KANSL1: variants seen among roughly 807,000 people sequenced by gnomAD.
KANSL1 encodes MLL1/MLL complex subunit KANSL1.
A neutral mutation model predicts 103.6 loss-of-function variants in KANSL1; 22 were observed. That is an observed-to-expected ratio of 0.21 (90% confidence interval 0.15 to 0.30). The LOEUF (loss-of-function observed/expected upper bound fraction) is 0.30, where lower values mean the gene tolerates loss of function less well. KANSL1 is among the 10% of genes least tolerant of loss of function. The probability of loss-of-function intolerance (pLI) is 1.00; values close to 1 mark genes in which losing one functional copy is unlikely to be tolerated. For synonymous variants in KANSL1, 600 were observed against 527.6 expected (o/e 1.14, Z -1.88); for missense variants, 1,337 against 1,399.8 (o/e 0.96, Z 0.72).
At chr17:46,172,446 T>C (rs1015346868) in intron 1 of KANSL1, among the ~76,000 whole-genome samples, 3 of 152,216 alleles carry the variant, frequency 2.0e-5, no homozygotes, top group Non-Finnish European at 2.9e-5. Flanking sequence ...AAGGAAGAAT[T>C]GCACCCTTCT....
At chr17:46,208,316 A>G (rs2048040124) in intron 1 of KANSL1, among the ~76,000 whole-genome samples, 1 of 152,116 alleles carries the variant, frequency 6.6e-6, no homozygotes, top group African/African-American at 2.4e-5. Context: ...AAAGAGATAT[A>G]TAGTACTCCA....
At chr17:46,168,927 T>C (rs1327628994) in intron 2 of KANSL1, among the ~76,000 whole-genome samples, 2 of 152,244 alleles carry the variant, frequency 1.3e-5, no homozygotes, top group Non-Finnish European at 1.5e-5. Context: ...TAAACTATCC[T>C]ACAGAATAAG....
intron 2 of KANSL1, among the ~76,000 whole-genome samples, chr17:46,129,049 A>G (rs1432207402): frequency 1.3e-5 from 2 of 152,144 alleles, no homozygotes; most frequent in Non-Finnish European, 2.9e-5. Flanking sequence ...CTGAAGGTGG[A>G]GCCAAGATTT....
At chr17:46,161,343 G>A (rs2045731044) in intron 2 of KANSL1, among the ~76,000 whole-genome samples, 1 of 152,022 alleles carries the variant, frequency 6.6e-6, no homozygotes, top group Non-Finnish European at 1.5e-5. Flanking sequence ...GGCTGAGGCA[G>A]GAGAATGGCG....
Position 46,111,280 on chromosome 17 carries a change from G to A in KANSL1, c.1290-16579C>T, listed in dbSNP as rs559108256. ...GGCTGGAGTGCGATGGCGTGATCTCGGCTTACTGCAACCTCCGCCTCCCGG... is the reference window on the plus strand; with the variant it reads ...GGCTGGAGTGCGATGGCGTGATCTCAGCTTACTGCAACCTCCGCCTCCCGG... On this transcript the variant is annotated intron_variant, in intron 2 of 14. Transcript: ENST00000432791. Among the ~76,000 whole-genome samples the A allele has an allele frequency of 4.0e-5, 6 of 151,422 alleles. No individual in the cohort carries two copies. In the East Asian group the frequency reaches 5.8e-4, roughly 15 times the overall value.
chr17:46,122,337 C>G (rs933506518), intron 2 of KANSL1, among the ~76,000 whole-genome samples: 4 of 152,184 alleles, frequency 2.6e-5, no homozygotes, highest in Non-Finnish European at 5.9e-5. Flanking sequence ...ACAAAGCATA[C>G]CACACTTAGG....
chr17:46,171,491 T>C lies in KANSL1; in HGVS notation c.653A>G (p.Glu218Gly). ...CTLPHRSLDV[E>G]HTTLYSNNST... ...ATTATTGCTATACAAAGTTGTGTGTTCTACATCAAGGCTTCTATGTGGAAG... is the reference window on the plus strand; with the variant it reads ...ATTATTGCTATACAAAGTTGTGTGTCCTACATCAAGGCTTCTATGTGGAAG... Residue 218 changes from glutamate to glycine, a missense_variant, in exon 2 of 15, where the codon GAA becomes GGA. This residue lies in a region of KANSL1 where 557 missense variants were observed against 476.4 expected (regional missense o/e 1.17). Coordinates refer to ENST00000432791, the MANE Select transcript of KANSL1 (RefSeq NM_015443.4). 1 of 1,614,156 alleles carries C rather than the reference T, an allele frequency of 6.2e-7. No homozygotes were observed. Among genetic ancestry groups the C allele is most frequent in the South Asian group, 1.1e-5 (1 of 91,084 alleles).
chr17:46,199,816 A>C (rs1486624673), intron 1 of KANSL1, among the ~76,000 whole-genome samples: 1 of 152,258 alleles, frequency 6.6e-6, no homozygotes, highest in African/African-American at 2.4e-5. Flanking sequence ...ACTTTAGGAT[A>C]ATTCAGAAGA....
intron 2 of KANSL1, among the ~76,000 whole-genome samples, chr17:46,108,947 T>C (rs983140236): frequency 6.6e-6 from 1 of 152,316 alleles, no homozygotes; most frequent in East Asian, 1.9e-4. Flanking sequence ...ACAAGATATT[T>C]GAGAGCTCTT....
upstream of KANSL1, among the ~76,000 whole-genome samples, chr17:46,198,422 TAAAAAAAAAAAAAA>T (rs58312564): frequency 2.0e-4 from 19 of 96,112 alleles, no homozygotes; most frequent in African/African-American, 3.4e-4. Context: ...CTACTTTAAT[TAAAAAAAAAAAAAA>T]AAAAAAAAAA....
upstream of KANSL1, among the ~76,000 whole-genome samples, chr17:46,195,438 CCA>C (rs1201025045): frequency 6.6e-6 from 1 of 152,226 alleles, no homozygotes; most frequent in Non-Finnish European, 1.5e-5. Flanking sequence ...ACTATAAATT[CCA>C]GTTTCCCCTT....
At chr17:46,085,387 C>A (rs1462855075) in intron 3 of KANSL1, among the ~76,000 whole-genome samples, 1 of 152,238 alleles carries the variant, frequency 6.6e-6, no homozygotes, top group Non-Finnish European at 1.5e-5. Context: ...CACTGCCAGA[C>A]CTCCTAAAGC....
chr17:46,039,026 C>A lies in KANSL1; in HGVS notation c.2392+1G>T. On this transcript the variant is annotated splice_donor_variant, in intron 9 of 14. Transcript: ENST00000432791. LOFTEE classifies it high-confidence loss of function. ...TAGAGGTGCCATGGGCCTGGCCCTA[C>A]CTTCACTTCTCTCAGATGAATGGTC... 2.5e-6 allele frequency: 4 copies of A among 1,609,948 alleles called. No individual in the cohort carries two copies. Among genetic ancestry groups the A allele is most frequent in the Non-Finnish European group, 3.4e-6 (4 of 1,179,322 alleles).
intron 2 of KANSL1, among the ~76,000 whole-genome samples, chr17:46,150,043 A>T (rs538064793): frequency 1.5e-3 from 231 of 150,968 alleles, no homozygotes; most frequent in Non-Finnish European, 2.5e-3. Context: ...AATAAATAAA[A>T]AATAAAAGTC....
At chr17:46,128,501 G>C (rs2043685556) in intron 2 of KANSL1, among the ~76,000 whole-genome samples, 1 of 152,156 alleles carries the variant, frequency 6.6e-6, no homozygotes, top group Admixed American at 6.6e-5. Flanking sequence ...ACTGTGACAA[G>C]TGTTATAAAG....
chr17:46,166,079 G>A (rs2045980452), intron 2 of KANSL1, among the ~76,000 whole-genome samples: 1 of 151,798 alleles, frequency 6.6e-6, no homozygotes, highest in South Asian at 2.1e-4. Flanking sequence ...AGGCATGGTG[G>A]TGGGCGCCTG....
intron 3 of KANSL1, among the ~76,000 whole-genome samples, chr17:46,092,715 T>TTTTG (rs1568438853): frequency 1.4e-4 from 3 of 21,614 alleles, no homozygotes; most frequent in African/African-American, 6.7e-4. Context: ...TTTTTTTTTT[T>TTTTG]GGGGGGGGGG....
At chr17:46,159,956 C>G (rs556048083) in intron 2 of KANSL1, among the ~76,000 whole-genome samples, 1 of 152,310 alleles carries the variant, frequency 6.6e-6, no homozygotes, top group African/African-American at 2.4e-5. Flanking sequence ...AAAGGAGTTA[C>G]AGCAAACAGC....
intron 2 of KANSL1, among the ~76,000 whole-genome samples, chr17:46,096,315 T>TTTTTTTTTTTTTTTTTTTTTTC (rs2042076777): frequency 2.8e-5 from 2 of 70,784 alleles, no homozygotes; most frequent in Non-Finnish European, 3.9e-5. Context: ...TTTTTTCTTT[T>TTTTTTTTTTTTTTTTTTTTTTC]TTTTTTTTTT....
Sources: allele counts gnomAD v4.1 joint callset (sites outside exome capture counted in the v4.1 genomes callset), GRCh38; gene constraint gnomAD v4.1.1; regional missense constraint gnomAD v4.1.1; transcripts MANE v1.5; gene names NCBI Gene and HGNC (gene_info 2026-07-23, HGNC 2026-07-21).